The following CFAP299 variants were observed in gnomAD, a reference collection of about 807,000 sequenced individuals.
CFAP299 encodes the protein cilia- and flagella-associated protein 299.
A neutral mutation model predicts 27.0 loss-of-function variants in CFAP299; 21 were observed. That is an observed-to-expected ratio of 0.78 (90% CI 0.55 to 1.12). CFAP299 has a LOEUF of 1.12. Among genes scored for constraint, CFAP299 ranks in the 50% most tolerant of loss-of-function variants. CFAP299 has a pLI of 0.00. For missense variants in CFAP299, 310 were observed against 276.6 expected, an observed-to-expected ratio of 1.12 and a Z score of -0.86; for synonymous variants, 104 against 98.1, an observed-to-expected ratio of 1.06 and a Z score of -0.36.
In CFAP299 at chr4:80,639,428, G is replaced by A. The variant is rs887041183; in HGVS notation, c.333+56245G>A. ...GTAAGGGGATATAAAAATTCACAGC[G>A]GGACTAGCTGTTTAATTTGTGAGGA... On this transcript the variant is annotated intron_variant, in intron 3 of 5. Transcript: ENST00000358105. 1.3e-4 allele frequency among the ~76,000 whole-genome samples: 20 copies of A among 152,234 alleles called. 1 individual carries two copies. The South Asian group carries it at 2.3e-3, about 17-fold the overall frequency.
At chr4:80,581,501 G>A (rs1736174226) in intron 2 of CFAP299, among the ~76,000 whole-genome samples, 1 of 97,590 alleles carries the variant, frequency 1.0e-5, no homozygotes. Flanking sequence ...ACAAGCTGAG[G>A]AAGATAAAGC....
chr4:80,854,714 T>TA (rs1417537042), intron 3 of CFAP299, among the ~76,000 whole-genome samples: 2 of 140,304 alleles, frequency 1.4e-5, no homozygotes, highest in African/African-American at 2.7e-5. Context: ...AGAAGATATG[T>TA]AAAAAAAATT....
intron 3 of CFAP299, among the ~76,000 whole-genome samples, chr4:80,618,107 A>G (rs1738390834): frequency 6.6e-6 from 1 of 152,136 alleles, no homozygotes; most frequent in Non-Finnish European, 1.5e-5. Context: ...AAAGATCGGG[A>G]TGAAGGGGTA....
At chr4:80,468,259 G>C (rs532063087) in intron 2 of CFAP299, among the ~76,000 whole-genome samples, 1 of 147,788 alleles carries the variant, frequency 6.8e-6, no homozygotes, top group East Asian at 2.0e-4. Context: ...TTGCTCTGTC[G>C]TCCAGGCTGG....
At chr4:80,819,679 G>C (rs975685558) in intron 3 of CFAP299, among the ~76,000 whole-genome samples, 13 of 151,990 alleles carry the variant, frequency 8.6e-5, no homozygotes, top group African/African-American at 2.9e-4. Flanking sequence ...TTTTTTTCTA[G>C]TTTCCTAAAC....
At chr4:80,825,110 A>T (rs1729914565) in intron 3 of CFAP299, among the ~76,000 whole-genome samples, 1 of 151,994 alleles carries the variant, frequency 6.6e-6, no homozygotes, top group Admixed American at 6.6e-5. Context: ...GCAGCTAAAA[A>T]ATACAATAAC....
intron 2 of CFAP299, chr4:80,386,385 TCG>T (rs1358391558): frequency 6.6e-7 from 1 of 1,523,462 alleles, no homozygotes; most frequent in Non-Finnish European, 8.9e-7. Flanking sequence ...CGGGACGGCC[TCG>T]GGCACCAGAC....
intron 3 of CFAP299, among the ~76,000 whole-genome samples, chr4:80,824,053 A>G (rs1729850938): frequency 1.3e-5 from 2 of 152,112 alleles, no homozygotes; most frequent in Non-Finnish European, 2.9e-5. Flanking sequence ...TTTATTTGGA[A>G]TGACATTATA....
At chr4:80,637,777 T>C (rs1487720276) in intron 3 of CFAP299, among the ~76,000 whole-genome samples, 1 of 152,124 alleles carries the variant, frequency 6.6e-6, no homozygotes, top group Non-Finnish European at 1.5e-5. Flanking sequence ...CAAAAGCATA[T>C]AACCTCTATC....
intron 3 of CFAP299, among the ~76,000 whole-genome samples, chr4:80,865,088 AG>A (rs1732644551): frequency 6.6e-6 from 1 of 152,070 alleles, no homozygotes; most frequent in African/African-American, 2.4e-5. Flanking sequence ...TATCCTTGGG[AG>A]TTACCAAAAC....
intron 3 of CFAP299, among the ~76,000 whole-genome samples, chr4:80,842,444 C>A (rs1730913089): frequency 6.6e-6 from 1 of 152,116 alleles, no homozygotes; most frequent in Non-Finnish European, 1.5e-5. Context: ...TCATATATAA[C>A]TTGAGAAAAT....
intron 3 of CFAP299, among the ~76,000 whole-genome samples, chr4:80,823,812 G>A (rs568374957): frequency 2.0e-5 from 3 of 152,160 alleles, no homozygotes; most frequent in South Asian, 2.1e-4. Flanking sequence ...GGGAGGTTAA[G>A]TTACCAGCAC....
intron 2 of CFAP299, among the ~76,000 whole-genome samples, chr4:80,390,491 C>A (rs115306210): frequency 0.21 from 26,285 of 125,914 alleles, 3,378 homozygotes; most frequent in African/African-American, 0.29. Flanking sequence ...CTCTCTCTCT[C>A]TATATATATG....
chr4:80,558,136 A>T (rs1043771212), intron 2 of CFAP299, among the ~76,000 whole-genome samples: 3 of 152,120 alleles, frequency 2.0e-5, no homozygotes, highest in African/African-American at 7.2e-5. Flanking sequence ...TGACAAGGCC[A>T]ATCTTTTCTG....
intron 3 of CFAP299, among the ~76,000 whole-genome samples, chr4:80,681,112 A>T (rs1719809615): frequency 6.6e-6 from 1 of 152,106 alleles, no homozygotes; most frequent in Non-Finnish European, 1.5e-5. Context: ...CAACTCTAAA[A>T]TTTTATAAGA....
At chr4:80,644,852 T>C (rs1415072942) in intron 3 of CFAP299, among the ~76,000 whole-genome samples, 1 of 152,174 alleles carries the variant, frequency 6.6e-6, no homozygotes, top group Non-Finnish European at 1.5e-5. Context: ...TTTTTTAAAA[T>C]GCCCAATTCA....
intron 3 of CFAP299, among the ~76,000 whole-genome samples, chr4:80,660,889 A>G (rs1334632442): frequency 1.3e-5 from 2 of 152,170 alleles, no homozygotes; most frequent in Non-Finnish European, 1.5e-5. Context: ...AGTGAAAAAA[A>G]TGTCTGGATC....
intron 5 of CFAP299, among the ~76,000 whole-genome samples, chr4:80,945,361 C>G (rs1027582531): frequency 8.5e-5 from 13 of 152,162 alleles, no homozygotes; most frequent in African/African-American, 2.9e-4. Flanking sequence ...ATGTGACTAA[C>G]ACTAAAAATG....
At chr4:80,883,740 A>T (rs1306462046) in intron 4 of CFAP299, among the ~76,000 whole-genome samples, 2 of 152,212 alleles carry the variant, frequency 1.3e-5, no homozygotes, top group Admixed American at 6.5e-5. Flanking sequence ...ATAATTTTTT[A>T]AAATATGCAC....
Sources: gnomAD v4.1 joint callset for allele counts (sites outside exome capture counted in the v4.1 genomes callset) on GRCh38, gnomAD v4.1.1 for gene constraint, MANE v1.5 for transcripts, NCBI Gene and HGNC (gene_info 2026-07-23, HGNC 2026-07-21) for gene names.